CSMD1: variants seen among roughly 807,000 people sequenced by gnomAD.
The protein encoded by CSMD1 is CUB and Sushi multiple domains 1, also known as CUB and sushi domain-containing protein 1.
Under a neutral mutation model 417.5 loss-of-function variants are expected in CSMD1, and 213 were observed. The ratio of observed to expected loss-of-function variants is 0.51; its 90% confidence interval spans 0.46 to 0.57. CSMD1 has a LOEUF of 0.57. Ranked by LOEUF, CSMD1 falls within the 20% of genes least tolerant of loss-of-function variation. The pLI is 0.00. For missense variants in CSMD1, 6,923 were observed against 4,529.7 expected (o/e 1.53, Z -15.17); for synonymous variants, 2,862 against 1,736.8 (o/e 1.65, Z -16.11).
At chr8:3,427,637 C>T (rs568870737) in intron 12 of CSMD1, among the ~76,000 whole-genome samples, 1 of 152,140 alleles carries the variant, frequency 6.6e-6, no homozygotes, top group East Asian at 1.9e-4. Context: ...ATAGAGTGAT[C>T]CCACAAAAAT....
intron 2 of CSMD1, among the ~76,000 whole-genome samples, chr8:4,453,618 G>T (rs935379364): frequency 1.3e-5 from 2 of 152,036 alleles, no homozygotes; most frequent in Non-Finnish European, 2.9e-5. Context: ...GCACAGTGCT[G>T]AGAAATGTAT....
intron 3 of CSMD1, among the ~76,000 whole-genome samples, chr8:4,227,219 T>G (rs1801413567): frequency 6.6e-6 from 1 of 152,172 alleles, no homozygotes; most frequent in African/African-American, 2.4e-5. Context: ...AAGTACTGCA[T>G]GACCCGATGA....
intron 5 of CSMD1, among the ~76,000 whole-genome samples, chr8:3,971,902 T>C (rs1231705692): frequency 2.6e-5 from 4 of 152,222 alleles, no homozygotes; most frequent in African/African-American, 9.7e-5. Context: ...GTTGACTTTT[T>C]TGTTCTTGTT....
intron 2 of CSMD1, among the ~76,000 whole-genome samples, chr8:4,477,599 T>C (rs767382978): frequency 2.9e-4 from 44 of 152,278 alleles, no homozygotes; most frequent in Non-Finnish European, 3.2e-4. Context: ...AGTTCCTATT[T>C]AAACTGACTT....
intron 3 of CSMD1, among the ~76,000 whole-genome samples, chr8:4,178,134 G>C (rs531937683): frequency 1.3e-5 from 2 of 152,100 alleles, no homozygotes; most frequent in Admixed American, 6.6e-5. Flanking sequence ...CCAAAAAAGA[G>C]AATTTTAGAC....
At chr8:4,739,778 T>C (rs1810481437) in intron 1 of CSMD1, among the ~76,000 whole-genome samples, 1 of 152,150 alleles carries the variant, frequency 6.6e-6, no homozygotes, top group African/African-American at 2.4e-5. Flanking sequence ...GTCCCTCTCT[T>C]TGGAGTCCTT....
At chr8:4,509,420 G>A (rs1802701157) in intron 2 of CSMD1, among the ~76,000 whole-genome samples, 1 of 152,168 alleles carries the variant, frequency 6.6e-6, no homozygotes, top group South Asian at 2.1e-4. Flanking sequence ...GTATTGAAAT[G>A]TAAAGAATTA....
chr8:3,514,253 C>G (rs1449053277), intron 10 of CSMD1, among the ~76,000 whole-genome samples: 2 of 152,090 alleles, frequency 1.3e-5, no homozygotes, highest in Non-Finnish European at 2.9e-5. Flanking sequence ...CTTTCATTTT[C>G]TCAGGAAGCC....
intron 26 of CSMD1, among the ~76,000 whole-genome samples, chr8:3,265,137 G>C (rs975350700): frequency 6.6e-6 from 1 of 152,066 alleles, no homozygotes; most frequent in African/African-American, 2.4e-5. Flanking sequence ...TTAGAGCAGA[G>C]ATATTAAAAA....
intron 26 of CSMD1, among the ~76,000 whole-genome samples, chr8:3,239,167 T>A (rs1242754605): frequency 6.6e-6 from 1 of 152,124 alleles, no homozygotes; most frequent in Non-Finnish European, 1.5e-5. Context: ...GGTAAGGTTT[T>A]AAAAGACCAT....
intron 2 of CSMD1, among the ~76,000 whole-genome samples, chr8:4,567,005 T>A (rs544600991): frequency 2.0e-5 from 3 of 152,128 alleles, no homozygotes; most frequent in African/African-American, 7.2e-5. Context: ...AAATCCTGTA[T>A]GTATTTTTCA....
At chr8:4,339,210 C>T (rs1174998481) in intron 3 of CSMD1, among the ~76,000 whole-genome samples, 1 of 152,038 alleles carries the variant, frequency 6.6e-6, no homozygotes, top group South Asian at 2.1e-4. Flanking sequence ...GCAAGTATAC[C>T]CCAGGCAATA....
chr8:4,722,947 G>A (rs919874295), intron 1 of CSMD1, among the ~76,000 whole-genome samples: 8 of 152,076 alleles, frequency 5.3e-5, no homozygotes, highest in East Asian at 1.9e-4. Context: ...ATCTAAGCTC[G>A]GTGGGGTTTC....
intron 1 of CSMD1, among the ~76,000 whole-genome samples, chr8:4,761,077 G>C (rs1010505730): frequency 2.0e-5 from 3 of 152,082 alleles, no homozygotes; most frequent in Non-Finnish European, 4.4e-5. Context: ...GCAGAAGTAT[G>C]TGTTTGTTAA....
At chr8:3,661,466 A>G (rs1798412844) in intron 7 of CSMD1, among the ~76,000 whole-genome samples, 2 of 151,982 alleles carry the variant, frequency 1.3e-5, no homozygotes, top group African/African-American at 4.8e-5. Flanking sequence ...GGGTTGCCTG[A>G]CTTGCGAAAT....
At chr8:3,326,466 T>G (rs902483434) in intron 23 of CSMD1, among the ~76,000 whole-genome samples, 1 of 152,306 alleles carries the variant, frequency 6.6e-6, no homozygotes, top group Non-Finnish European at 1.5e-5. Context: ...AGCACTACCG[T>G]GCTACAAAGA....
In CSMD1 at chr8:4,591,852, G is replaced by C. The variant is rs573958248; in HGVS notation, c.302+45490C>G. The stretch of plus-strand genomic sequence containing the variant: ...TAGGGGGCCTCTGGAACAAGGCAGA[G>C]GGGAGAAAGTAATGACCAAGGGACC... On this transcript the variant is annotated intron_variant, in intron 2 of 69. Transcript: ENST00000635120. Among the ~76,000 whole-genome samples, 7 of 152,286 alleles carry C rather than the reference G, an allele frequency of 4.6e-5. No homozygotes were observed. In the South Asian group the frequency reaches 8.3e-4, roughly 18 times the overall value.
At chr8:3,518,206 T>G (rs1797360963) in intron 10 of CSMD1, among the ~76,000 whole-genome samples, 1 of 152,218 alleles carries the variant, frequency 6.6e-6, no homozygotes, top group Non-Finnish European at 1.5e-5. Context: ...CAATGATTAC[T>G]TATTTTTTAA....
chr8:4,376,024 T>C (rs924865754), intron 3 of CSMD1, among the ~76,000 whole-genome samples: 1 of 152,108 alleles, frequency 6.6e-6, no homozygotes, highest in Admixed American at 6.6e-5. Flanking sequence ...TGGTGGAAAA[T>C]GCCCGTCTTT....
Sources: allele counts gnomAD v4.1 joint callset (sites outside exome capture counted in the v4.1 genomes callset), GRCh38; gene constraint gnomAD v4.1.1; transcripts MANE v1.5; gene names NCBI Gene and HGNC (gene_info 2026-07-23, HGNC 2026-07-21).